GGNBP2: variants seen among roughly 807,000 people sequenced by gnomAD.
GGNBP2 encodes gametogenetin binding protein 2, also known as gametogenetin-binding protein 2.
In GGNBP2, 10 loss-of-function variants were observed where a neutral mutation model predicts 85.9. The ratio of observed to expected loss-of-function variants is 0.12; its 90% CI spans 0.07 to 0.20. The LOEUF (loss-of-function observed/expected upper bound fraction) is 0.20. Among genes scored for constraint, GGNBP2 ranks in the 10% least tolerant of loss-of-function variants. The pLI is 1.00. For synonymous variants in GGNBP2, 287 were observed against 285.7 expected, an observed-to-expected ratio of 1.00 and a Z score of -0.05; for missense variants, 595 against 857.8, an observed-to-expected ratio of 0.69 and a Z score of 3.83.
intron 5 of GGNBP2, among the ~76,000 whole-genome samples, chr17:36,561,985 C>T (rs2074421725): frequency 6.6e-6 from 1 of 152,026 alleles, no homozygotes; most frequent in Admixed American, 6.6e-5. Flanking sequence ...TGATTAAGTG[C>T]TATAGTGTCC....
intron 2 of GGNBP2, among the ~76,000 whole-genome samples, chr17:36,548,913 C>T (rs922122827): frequency 3.9e-4 from 60 of 152,052 alleles, no homozygotes; most frequent in Non-Finnish European, 6.2e-4. Context: ...CCACTGCACT[C>T]CAGCCTGGGA....
intron 3 of GGNBP2, among the ~76,000 whole-genome samples, chr17:36,556,700 C>G (rs926351359): frequency 6.9e-6 from 1 of 144,350 alleles, no homozygotes; most frequent in Non-Finnish European, 1.5e-5. Context: ...AAGATGCCGT[C>G]TCAAAAAACA....
At chr17:36,552,595 T>C (rs377112185) in intron 2 of GGNBP2, among the ~76,000 whole-genome samples, 3 of 152,174 alleles carry the variant, frequency 2.0e-5, no homozygotes, top group East Asian at 1.9e-4. Flanking sequence ...TACCCCCCTT[T>C]AGAGGTATTA....
At chr17:36,570,290 A>T in intron 6 of GGNBP2, among the ~76,000 whole-genome samples, 1 of 152,242 alleles carries the variant, frequency 6.6e-6, no homozygotes, top group East Asian at 1.9e-4. Context: ...AGGTGAGAGT[A>T]TCACTTGAGC....
At chr17:36,577,846 A>G (rs2074607261) in intron 6 of GGNBP2, 137 bp from the exon 7 acceptor site, 1 of 696,750 alleles carries the variant, frequency 1.4e-6, no homozygotes. Context: ...TTATGTGCGT[A>G]TGTTTTAAAT....
chr17:36,563,034 G>A (rs2074434801), intron 5 of GGNBP2, among the ~76,000 whole-genome samples: 1 of 149,916 alleles, frequency 6.7e-6, no homozygotes, highest in African/African-American at 2.5e-5. Context: ...GGGAGGCCAA[G>A]TTGGGTGGAT....
At position 36,587,255 on chromosome 17, in the gene GGNBP2, C is replaced by T. The variant is rs1270713305; in HGVS notation, c.1890+10C>T. The T allele has an allele frequency of 1.9e-6, 3 of 1,613,722 alleles. No homozygotes were observed. The highest frequency in any genetic ancestry group is 2.5e-6 in the Non-Finnish European group (3 of 1,179,708). On this transcript the variant is annotated intron_variant, in intron 13 of 13. Coordinates refer to ENST00000613102, the MANE Select transcript of GGNBP2 (RefSeq NM_024835.5). ...CTTAGTTGAACTCCTTGTAAGTATT[C>T]CATGTGGTCTTACTGTACATAACTG... is the stretch of plus-strand genomic sequence containing the variant.
At chr17:36,559,185 G>C (rs2074392484) in intron 4 of GGNBP2, among the ~76,000 whole-genome samples, 1 of 135,572 alleles carries the variant, frequency 7.4e-6, no homozygotes, top group Non-Finnish European at 1.7e-5. Context: ...TGTAATCCCA[G>C]CTACTCAGGA....
intron 12 of GGNBP2, 50 bp downstream of exon 12, chr17:36,586,248 C>T (rs779197033): frequency 6.4e-7 from 1 of 1,569,556 alleles, no homozygotes; most frequent in South Asian, 1.2e-5. Flanking sequence ...GAGGACAGAA[C>T]ACGTGTTTTC....
intron 6 of GGNBP2, among the ~76,000 whole-genome samples, chr17:36,568,028 A>G (rs920268322): frequency 6.6e-6 from 1 of 151,594 alleles, no homozygotes; most frequent in Admixed American, 6.6e-5. Flanking sequence ...CAGGTTCAAG[A>G]GATTCTCCTG....
At chr17:36,567,558 G>A (rs1420357076) in intron 5 of GGNBP2, 105 bp from the exon 6 acceptor site, 2 of 641,260 alleles carry the variant, frequency 3.1e-6, no homozygotes, top group South Asian at 2.0e-5. Flanking sequence ...ACGTTTCCAG[G>A]GAACAGCCAG....
At chr17:36,565,520 T>C (rs766687235) in intron 5 of GGNBP2, among the ~76,000 whole-genome samples, 5 of 152,140 alleles carry the variant, frequency 3.3e-5, no homozygotes, top group African/African-American at 4.8e-5. Flanking sequence ...GATTTCTCTT[T>C]ATGAACCTTT....
intron 5 of GGNBP2, among the ~76,000 whole-genome samples, chr17:36,562,049 A>G (rs894971930): frequency 6.6e-6 from 1 of 152,200 alleles, no homozygotes; most frequent in African/African-American, 2.4e-5. Flanking sequence ...CCCCTACAAA[A>G]TTGCCTGGGG....
At chr17:36,552,577 C>T (rs887097458) in intron 2 of GGNBP2, among the ~76,000 whole-genome samples, 3 of 152,056 alleles carry the variant, frequency 2.0e-5, no homozygotes, top group African/African-American at 7.3e-5. Context: ...TTTATTATTA[C>T]TTATTGCTAC....
chr17:36,584,741 GA>G (rs2074683861), intron 9 of GGNBP2, among the ~76,000 whole-genome samples: 1 of 152,198 alleles, frequency 6.6e-6, no homozygotes, highest in Middle Eastern at 3.2e-3. Context: ...TTAAGGCCAG[GA>G]GTTCAAGAGT....
chr17:36,545,641 A>G lies in GGNBP2; in HGVS notation c.-84A>G, dbSNP rs1381909205. 1.9e-6 allele frequency: 2 copies of G among 1,062,892 alleles called. No individual in the cohort carries two copies. The highest frequency in any genetic ancestry group is 1.4e-5 in the South Asian group (1 of 73,030). 65.8% of individuals were successfully genotyped at this position (1,062,892 alleles called of 1,614,324 possible). ...CAGGCAGGAGCTGGGAGGAGGCGGC[A>G]GCGGCGGCGGCAGAAACAGCAGCGG... On this transcript the variant is annotated 5_prime_UTR_variant, in exon 2 of 14. Transcript: ENST00000613102.
chr17:36,585,500 T>C, intron 10 of GGNBP2, 50 bp downstream of exon 10: 1 of 1,291,858 alleles, frequency 7.7e-7, no homozygotes, highest in Non-Finnish European at 1.1e-6. Flanking sequence ...TATTCTTTCT[T>C]ACTGTTAAAT....
chr17:36,560,926 T>C, intron 5 of GGNBP2, 55 bp downstream of exon 5: 1 of 924,270 alleles, frequency 1.1e-6, no homozygotes. Flanking sequence ...ATATATTTGA[T>C]CATATTTAGT....
At chr17:36,578,390 C>A (rs150076834) in intron 7 of GGNBP2, 2 of 494,244 alleles carry the variant, frequency 4.0e-6, no homozygotes, top group African/African-American at 3.9e-5. Flanking sequence ...GTGTTTGGTT[C>A]AGTCCTCTGC....
Sources: gnomAD v4.1 joint callset for allele counts (sites outside exome capture counted in the v4.1 genomes callset) on GRCh38, gnomAD v4.1.1 for gene constraint, MANE v1.5 for transcripts, NCBI Gene and HGNC (gene_info 2026-07-23, HGNC 2026-07-21) for gene names.